STPG4: variants seen among roughly 807,000 people sequenced by gnomAD.
The protein encoded by STPG4 is sperm-tail PG-rich repeat containing 4.
A neutral mutation model predicts 31.5 loss-of-function variants in STPG4; 41 were observed. The observed-to-expected ratio is 1.30, with a 90% CI of 1.01 to 1.69. STPG4 has a LOEUF of 1.69. Ranked by LOEUF, STPG4 falls within the 40% of genes most tolerant of loss-of-function variation. STPG4 has a pLI of 0.00. For missense variants in STPG4, 375 were observed against 293.4 expected (o/e 1.28, Z -2.03); for synonymous variants, 141 against 103.0 (o/e 1.37, Z -2.24).
intron 3 of STPG4, among the ~76,000 whole-genome samples, chr2:47,136,573 G>C (rs1489691497): frequency 6.6e-6 from 1 of 152,142 alleles, no homozygotes; most frequent in East Asian, 1.9e-4. Flanking sequence ...TTATATATGT[G>C]TGTGTTCTTG....
chr2:47,155,120 G>A, intron 1 of STPG4, 51 bp downstream of exon 1: 1 of 1,554,188 alleles, frequency 6.4e-7, no homozygotes, highest in Non-Finnish European at 8.9e-7. Flanking sequence ...AAGGGTAGTG[G>A]GCCTGGTGAG....
intron 5 of STPG4, among the ~76,000 whole-genome samples, chr2:47,115,684 G>A (rs574744906): frequency 1.5e-4 from 18 of 118,478 alleles, no homozygotes; most frequent in Middle Eastern, 8.6e-3. Flanking sequence ...ACAGAGTCTC[G>A]CTGTGTCACC....
At chr2:47,134,966 T>A (rs1686567089) in intron 3 of STPG4, among the ~76,000 whole-genome samples, 1 of 152,230 alleles carries the variant, frequency 6.6e-6, no homozygotes, top group Non-Finnish European at 1.5e-5. Context: ...AAACGTTTTT[T>A]CATATGCTTT....
chr2:47,143,135 A>C (rs982570158), intron 3 of STPG4, among the ~76,000 whole-genome samples: 7 of 151,922 alleles, frequency 4.6e-5, no homozygotes, highest in Admixed American at 1.3e-4. Flanking sequence ...CAACCTCAAC[A>C]TTTGTAATGG....
In STPG4 at chr2:47,130,239, G is replaced by GC. The variant is rs758601743; in HGVS notation, c.420dup (p.Gln141AlafsTer35). ...ACTGGTGCAGGAAGCACGTTGTATTGCCCCGGAGAAAGCTGAAGTGACTGC... is the reference window on the plus strand; with the variant it reads ...ACTGGTGCAGGAAGCACGTTGTATTGCCCCCGGAGAAAGCTGAAGTGACTGC... On this transcript the variant is annotated frameshift_variant, in exon 4 of 7. Transcript: ENST00000445927. LOFTEE classifies it high-confidence loss of function. 121 of 1,613,964 alleles carry GC rather than the reference G, an allele frequency of 7.5e-5. No individual in the cohort carries two copies. Among genetic ancestry groups the GC allele is most frequent in the Middle Eastern group, 1.6e-4 (1 of 6,084 alleles).
chr2:47,150,392 T>C (rs1223997031), intron 3 of STPG4, among the ~76,000 whole-genome samples: 1 of 152,146 alleles, frequency 6.6e-6, no homozygotes, highest in African/African-American at 2.4e-5. Flanking sequence ...CCGCAGAGCC[T>C]AGTGCAGGGC....
At chr2:47,112,128 AT>A (rs2103755694) in intron 5 of STPG4, among the ~76,000 whole-genome samples, 1 of 152,218 alleles carries the variant, frequency 6.6e-6, no homozygotes, top group Non-Finnish European at 1.5e-5. Flanking sequence ...GTCATTATTC[AT>A]TTTTTCATAG....
chr2:47,109,744 G>A (rs57261805), intron 5 of STPG4, among the ~76,000 whole-genome samples: 6,684 of 152,202 alleles, frequency 0.044, 514 homozygotes, highest in African/African-American at 0.15. Flanking sequence ...GCCAGACTGT[G>A]TTTATTAATT....
At chr2:47,146,318 C>G (rs1450163402) in intron 3 of STPG4, among the ~76,000 whole-genome samples, 1 of 152,104 alleles carries the variant, frequency 6.6e-6, no homozygotes, top group African/African-American at 2.4e-5. Context: ...AGGCCAGGTG[C>G]TACAATGCAC....
intron 5 of STPG4, among the ~76,000 whole-genome samples, chr2:47,113,645 G>C (rs1044914596): frequency 6.6e-6 from 1 of 152,182 alleles, no homozygotes; most frequent in Non-Finnish European, 1.5e-5. Context: ...TTGGTGAAAT[G>C]AGTATGCTCT....
At chr2:47,137,822 C>G (rs980958125) in intron 3 of STPG4, among the ~76,000 whole-genome samples, 2 of 151,918 alleles carry the variant, frequency 1.3e-5, no homozygotes, top group Non-Finnish European at 2.9e-5. Flanking sequence ...GTAGTGATGT[C>G]TCCTCTTTTG....
chr2:47,116,998 C>T (rs780532102), intron 5 of STPG4, among the ~76,000 whole-genome samples: 3 of 152,142 alleles, frequency 2.0e-5, no homozygotes, highest in Non-Finnish European at 2.9e-5. Flanking sequence ...GCTGAGAGGA[C>T]ACCTAGCGCT....
chr2:47,145,070 T>C (rs181953739), intron 3 of STPG4, among the ~76,000 whole-genome samples: 2 of 152,290 alleles, frequency 1.3e-5, no homozygotes, highest in East Asian at 1.9e-4. Flanking sequence ...GCCAACAATA[T>C]AGTAGGAAAT....
chr2:47,135,697 T>G (rs1249623169), intron 3 of STPG4, among the ~76,000 whole-genome samples: 1 of 152,170 alleles, frequency 6.6e-6, no homozygotes, highest in African/African-American at 2.4e-5. Context: ...TCTTCTTTTT[T>G]GAATGTGGAT....
intron 5 of STPG4, among the ~76,000 whole-genome samples, chr2:47,119,537 T>A (rs1320681770): frequency 1.3e-5 from 2 of 152,214 alleles, no homozygotes; most frequent in Non-Finnish European, 2.9e-5. Flanking sequence ...CTCACAGCCT[T>A]CATTTAAAAG....
rs774444518 is a variant in STPG4, at chr2:47,090,249, T to C, written c.624+21A>G. 8.6e-6 allele frequency: 13 copies of C among 1,515,532 alleles called. No homozygotes were observed. In the East Asian group the frequency reaches 3.2e-4, roughly 37 times the overall value. 93.9% of individuals were successfully genotyped at this position (1,515,532 alleles called of 1,614,324 possible). A position where few individuals can be genotyped will look rare whatever the true frequency, so the allele number is the denominator to read the frequency against. On this transcript the variant is annotated intron_variant, in intron 6 of 6. Transcript: ENST00000445927. Reference sequence around the variant, plus strand: ...CCATACCCCTAGGGGTGGGGGGCGATCTGTCTTTCCGAATACTTACTGAAC... The same window carrying C: ...CCATACCCCTAGGGGTGGGGGGCGACCTGTCTTTCCGAATACTTACTGAAC...
chr2:47,099,019 C>A (rs1685733263), intron 5 of STPG4, among the ~76,000 whole-genome samples: 1 of 152,136 alleles, frequency 6.6e-6, no homozygotes, highest in African/African-American at 2.4e-5. Flanking sequence ...ATTGGCGATA[C>A]CTCTGAAGTC....
intron 5 of STPG4, among the ~76,000 whole-genome samples, chr2:47,091,490 C>A (rs1308731553): frequency 6.6e-6 from 1 of 152,088 alleles, no homozygotes; most frequent in African/African-American, 2.4e-5. Flanking sequence ...CCTAGTAATT[C>A]GCTTTTTTCC....
intron 5 of STPG4, among the ~76,000 whole-genome samples, chr2:47,096,950 A>G (rs1252440064): frequency 6.6e-6 from 1 of 152,144 alleles, no homozygotes; most frequent in Non-Finnish European, 1.5e-5. Context: ...TGGTGAGTTC[A>G]CAGTGAGGGG....
Sources: gnomAD v4.1 joint callset for allele counts (sites outside exome capture counted in the v4.1 genomes callset) on GRCh38, gnomAD v4.1.1 for gene constraint, MANE v1.5 for transcripts, NCBI Gene and HGNC (gene_info 2026-07-23, HGNC 2026-07-21) for gene names.